The following CBFB variants were observed in gnomAD, a reference collection of about 807,000 sequenced individuals.
CBFB encodes the protein core-binding factor subunit beta.
A neutral mutation model predicts 30.4 loss-of-function variants in CBFB; 9 were observed. That is an observed-to-expected ratio of 0.30 (90% CI 0.18 to 0.52). CBFB has a LOEUF of 0.52. CBFB is among the 20% of genes least tolerant of loss of function. The pLI, the probability that CBFB is intolerant of heterozygous loss-of-function variation, is 0.97. For missense variants in CBFB, 170 were observed against 244.0 expected (o/e 0.70, Z 2.02); for synonymous variants, 94 against 84.0 (o/e 1.12, Z -0.65).
intron 2 of CBFB, among the ~76,000 whole-genome samples, chr16:67,034,093 G>T (rs1213631480): frequency 1.3e-5 from 2 of 152,118 alleles, no homozygotes; most frequent in Non-Finnish European, 2.9e-5. Flanking sequence ...CTCCCAAAGT[G>T]CTGGGATTAC....
At position 67,053,551 on chromosome 16, in the gene CBFB, A is replaced by G. The variant is rs1442290385; in HGVS notation, c.283-13131A>G. On this transcript the variant is annotated intron_variant, in intron 3 of 5. Coordinates refer to ENST00000412916, the MANE Select transcript of CBFB (RefSeq NM_022845.3). ...ATTACAAGCGTGAGCCACCGCACCC[A>G]GCCTTCTAATGTCACTTTCAGATGC... Among the ~76,000 whole-genome samples the G allele has an allele frequency of 3.3e-5, 5 of 152,096 alleles. No homozygotes were observed. In the East Asian group the frequency reaches 7.7e-4, roughly 24 times the overall value.
intron 4 of CBFB, among the ~76,000 whole-genome samples, chr16:67,075,572 A>G (rs565895623): frequency 1.3e-5 from 2 of 152,262 alleles, no homozygotes; most frequent in East Asian, 3.9e-4. Context: ...GTGTGTATAT[A>G]TATATACACA....
Position 67,063,276 on chromosome 16 carries a change from C to T in CBFB, c.283-3406C>T, listed in dbSNP as rs17768183. 6.2e-3 allele frequency among the ~76,000 whole-genome samples: 940 copies of T among 152,044 alleles called. 24 individuals carry two copies. The highest frequency in any genetic ancestry group is 0.043 in the Admixed American group (662 of 15,260). The stretch of plus-strand genomic sequence containing the variant: ...TTCAGTTGTAACTAAAGACTATTTC[C>T]CTTGGTCCAAATAGGAGGAGAAATG... On this transcript the variant is annotated intron_variant, in intron 3 of 5. Transcript: ENST00000412916.
chr16:67,076,134 G>A (rs1395845829), intron 4 of CBFB, among the ~76,000 whole-genome samples: 2 of 152,142 alleles, frequency 1.3e-5, no homozygotes, highest in African/African-American at 4.8e-5. Flanking sequence ...GGAGGCTGAG[G>A]CAGGAGAATC....
chr16:67,029,828 C>G lies in CBFB; in HGVS notation c.165+15C>G. 6.4e-7 allele frequency: 1 copy of G among 1,568,168 alleles called. No individual in the cohort carries two copies. The highest frequency in any genetic ancestry group is 1.4e-5 in the African/African-American group (1 of 70,834). On this transcript the variant is annotated intron_variant, in intron 2 of 5. Coordinates refer to ENST00000412916, the MANE Select transcript of CBFB (RefSeq NM_022845.3). The stretch of plus-strand genomic sequence containing the variant: ...GCTCGGAAATCGTAAGTCGGCTGGC[C>G]CGGGGCGCGCGCGGGTCACTTGTTG...
At chr16:67,066,862 G>C (rs1961074936) in intron 4 of CBFB, 64 bp downstream of exon 4, 1 of 928,798 alleles carries the variant, frequency 1.1e-6, no homozygotes, top group South Asian at 1.4e-5. Context: ...CTTTGCCTGG[G>C]GACCTATTTT....
chr16:67,094,261 T>G (rs570549577), intron 5 of CBFB, among the ~76,000 whole-genome samples: 3 of 151,946 alleles, frequency 2.0e-5, no homozygotes, highest in South Asian at 4.1e-4. Context: ...TCCGGGCCCC[T>G]CATTTTTGTT....
At chr16:67,098,123 T>TTTG (rs888868639) in intron 5 of CBFB, among the ~76,000 whole-genome samples, 13 of 133,272 alleles carry the variant, frequency 9.8e-5, no homozygotes, top group African/African-American at 5.2e-4. Context: ...TTTTTGTTTG[T>TTTG]TTGTTTGTTT....
Position 67,071,189 on chromosome 16 carries a change from G to C in CBFB, c.399+4391G>C, listed in dbSNP as rs75053120. Among the ~76,000 whole-genome samples, 376 of 152,292 alleles carry C rather than the reference G, an allele frequency of 2.5e-3. 3 individuals are homozygous for C. The highest frequency in any genetic ancestry group is 8.7e-3 in the African/African-American group (361 of 41,544). ...AAGAAGCAATGAAATGTAGATGCTA[G>C]GGGCAGGAGTTCATAGTCGTATAAT... On this transcript the variant is annotated intron_variant, in intron 4 of 5. Transcript: ENST00000412916.
intron 3 of CBFB, among the ~76,000 whole-genome samples, chr16:67,066,393 C>CAAAAAAAAAAAAAAAAAAAA (rs56360240): frequency 3.7e-4 from 36 of 96,002 alleles, no homozygotes; most frequent in South Asian, 2.6e-3. Context: ...ACTAAAAATA[C>CAAAAAAAAAAAAAAAAAAAA]AAAAAAAAAA....
At position 67,029,155 on chromosome 16, in the gene CBFB, C is replaced by T. The variant is rs1377740623; in HGVS notation, c.-253C>T. ...GGCGGCGGCGGCCGGGGGCGGTGAG[C>T]GCTGGGGCTGCGCGGGCGGCAGGCA... On this transcript the variant is annotated 5_prime_UTR_variant, in exon 1 of 6. Coordinates refer to ENST00000412916, the MANE Select transcript of CBFB (RefSeq NM_022845.3). The T allele has an allele frequency of 5.4e-5, 9 of 165,630 alleles. No individual in the cohort carries two copies. The East Asian group carries it at 1.4e-3, about 25-fold the overall frequency. 10.3% of individuals were successfully genotyped at this position (165,630 alleles called of 1,614,324 possible).
intron 3 of CBFB, among the ~76,000 whole-genome samples, chr16:67,059,287 G>T (rs1047172876): frequency 6.6e-6 from 1 of 152,122 alleles, no homozygotes; most frequent in Admixed American, 6.5e-5. Context: ...CAAAACACAG[G>T]ATTAGTAATA....
At chr16:67,036,342 T>A (rs1422287605) in intron 2 of CBFB, 2 of 275,886 alleles carry the variant, frequency 7.2e-6, no homozygotes, top group African/African-American at 2.2e-5. Context: ...GATAGTGGCT[T>A]CTGGTTAGAC....
intron 3 of CBFB, among the ~76,000 whole-genome samples, chr16:67,064,613 A>G (rs1247189430): frequency 6.6e-6 from 1 of 152,210 alleles, no homozygotes; most frequent in Non-Finnish European, 1.5e-5. Context: ...CTATCACAAT[A>G]AAATATTCAC....
intron 4 of CBFB, among the ~76,000 whole-genome samples, chr16:67,071,597 A>G (rs1961223203): frequency 6.6e-6 from 1 of 152,148 alleles, no homozygotes; most frequent in South Asian, 2.1e-4. Context: ...GTATTTTAGT[A>G]TGGCATCCTC....
intron 5 of CBFB, among the ~76,000 whole-genome samples, chr16:67,097,186 T>C (rs1267441496): frequency 1.3e-5 from 2 of 152,028 alleles, no homozygotes; most frequent in Non-Finnish European, 2.9e-5. Context: ...TCAGCAGAGA[T>C]TGTGCCACTG....
At chr16:67,098,383 C>T (rs1415113701) in intron 5 of CBFB, among the ~76,000 whole-genome samples, 3 of 152,082 alleles carry the variant, frequency 2.0e-5, no homozygotes, top group South Asian at 4.2e-4. Flanking sequence ...ATGATCTGCC[C>T]GTCTCAGCCT....
Position 67,099,156 on chromosome 16 carries a change from A to G in CBFB, c.*378A>G. 4.1e-6 allele frequency: 1 copy of G among 245,590 alleles called. No individual in the cohort carries two copies. Among genetic ancestry groups the G allele is most frequent in the Non-Finnish European group, 7.8e-6 (1 of 127,988 alleles). 15.2% of individuals were successfully genotyped at this position (245,590 alleles called of 1,614,324 possible). ...TTGTATCAGAGGGTTTTCTCTAATC[A>G]TTTTTTCTATTTTTTTTTTTGTACT... On this transcript the variant is annotated 3_prime_UTR_variant, in exon 6 of 6. Coordinates refer to ENST00000412916, the MANE Select transcript of CBFB (RefSeq NM_022845.3).
chr16:67,092,696 A>ATTTTTTTTTTTTTTTT (rs1162307047), intron 5 of CBFB, among the ~76,000 whole-genome samples: 21 of 94,676 alleles, frequency 2.2e-4, no homozygotes, highest in African/African-American at 3.3e-4. Context: ...CAGTGGTGCA[A>ATTTTTTTTTTTTTTTT]TCTTTTTTTT....
Sources: gnomAD v4.1 joint callset for allele counts (sites outside exome capture counted in the v4.1 genomes callset) on GRCh38, gnomAD v4.1.1 for gene constraint, MANE v1.5 for transcripts, NCBI Gene and HGNC (gene_info 2026-07-23, HGNC 2026-07-21) for gene names.